EPS15L1: variants seen among roughly 807,000 people sequenced by gnomAD.
EPS15L1 encodes the protein epidermal growth factor receptor pathway substrate 15 like 1.
Under a neutral mutation model 117.1 loss-of-function variants are expected in EPS15L1, and 43 were observed. That is an observed-to-expected ratio of 0.37 (90% CI 0.29 to 0.47). EPS15L1 has a LOEUF of 0.47. Among genes scored for constraint, EPS15L1 ranks in the 20% least tolerant of loss-of-function variants. The pLI is 0.99. For synonymous variants in EPS15L1, 459 were observed against 470.5 expected (o/e 0.98, Z 0.32); for missense variants, 981 against 1,164.0 (o/e 0.84, Z 2.29).
At chr19:16,400,336 C>CAAAAAAAAAAAAAA (rs1162302779) in intron 16 of EPS15L1, among the ~76,000 whole-genome samples, 10 of 60,694 alleles carry the variant, frequency 1.6e-4, no homozygotes, top group Admixed American at 1.3e-3. Context: ...GACTCCGTCT[C>CAAAAAAAAAAAAAA]AAAAAAAAAA....
intron 1 of EPS15L1, among the ~76,000 whole-genome samples, chr19:16,456,166 C>T (rs2145153280): frequency 6.6e-6 from 1 of 152,294 alleles, no homozygotes; most frequent in Middle Eastern, 3.4e-3. Flanking sequence ...TGCCATTGCA[C>T]TCCAGCCTGG....
intron 19 of EPS15L1, among the ~76,000 whole-genome samples, 161 bp from the exon 20 acceptor site, chr19:16,386,392 G>A (rs1251141643): frequency 2.0e-5 from 3 of 152,194 alleles, no homozygotes; most frequent in African/African-American, 7.2e-5. Flanking sequence ...AATCCCAACA[G>A]ATCAACCCTC....
intron 6 of EPS15L1, chr19:16,434,876 G>C (rs1460187664): frequency 6.0e-6 from 1 of 166,388 alleles, no homozygotes; most frequent in Non-Finnish European, 1.3e-5. Context: ...AAAAGTGTGA[G>C]CAGATGTTAG....
intron 1 of EPS15L1, among the ~76,000 whole-genome samples, chr19:16,445,816 G>A (rs899001016): frequency 3.3e-5 from 5 of 152,318 alleles, no homozygotes; most frequent in South Asian, 2.1e-4. Flanking sequence ...GGCCTGCACC[G>A]TAAGAGGCTG....
intron 2 of EPS15L1, 22 bp from the exon 3 acceptor site, chr19:16,442,003 C>T: frequency 6.3e-7 from 1 of 1,599,780 alleles, no homozygotes; most frequent in African/African-American, 1.3e-5. Flanking sequence ...GACCAAGAGG[C>T]AAAATAACTT....
intron 10 of EPS15L1, among the ~76,000 whole-genome samples, chr19:16,419,714 G>A (rs950717572): frequency 3.9e-5 from 6 of 152,212 alleles, no homozygotes; most frequent in South Asian, 2.1e-4. Context: ...ACAGAGCTGC[G>A]GAGAATGAGC....
intron 19 of EPS15L1, among the ~76,000 whole-genome samples, chr19:16,388,042 A>C (rs1393030112): frequency 2.0e-5 from 3 of 152,038 alleles, no homozygotes; most frequent in Admixed American, 6.6e-5. Context: ...AAGCTTACCA[A>C]ATTTGTTTTG....
Position 16,355,670 on chromosome 19 carries a change from G to C in EPS15L1, c.*35C>G. ...CTGCACTGCCCCCTCTCTGGAACCC[G>C]CCCGTGCCCTGTCCCGCCTACACAC... On this transcript the variant is annotated 3_prime_UTR_variant, in exon 24 of 24. Transcript: ENST00000455140. The C allele has an allele frequency of 6.5e-7, 1 of 1,528,112 alleles. No homozygotes were observed. Among genetic ancestry groups the C allele is most frequent in the South Asian group, 1.2e-5 (1 of 83,520 alleles). 94.7% of individuals were successfully genotyped at this position (1,528,112 alleles called of 1,614,324 possible).
intron 1 of EPS15L1, among the ~76,000 whole-genome samples, chr19:16,452,344 G>A (rs922073955): frequency 6.6e-6 from 1 of 151,876 alleles, no homozygotes; most frequent in Non-Finnish European, 1.5e-5. Flanking sequence ...TACTCAGGAG[G>A]CTGCGGCAGG....
At chr19:16,418,224 G>C in intron 10 of EPS15L1, 120 bp from the exon 11 acceptor site, 1 of 1,082,934 alleles carries the variant, frequency 9.2e-7, no homozygotes, top group Non-Finnish European at 1.3e-6. Flanking sequence ...GGGCGTGGTG[G>C]CAAGCCCCAG....
chr19:16,367,352 A>AC (rs2092147710), intron 22 of EPS15L1, among the ~76,000 whole-genome samples: 1 of 151,962 alleles, frequency 6.6e-6, no homozygotes, highest in African/African-American at 2.4e-5. Context: ...GGCAAGGGAT[A>AC]CAAGACTGAA....
At chr19:16,397,962 T>C (rs893709790) in intron 16 of EPS15L1, among the ~76,000 whole-genome samples, 1 of 152,176 alleles carries the variant, frequency 6.6e-6, no homozygotes, top group African/African-American at 2.4e-5. Flanking sequence ...CATTCCTGCG[T>C]AGGACTCACA....
chr19:16,464,816 G>A (rs950797868), intron 1 of EPS15L1, among the ~76,000 whole-genome samples: 4 of 152,128 alleles, frequency 2.6e-5, no homozygotes, highest in South Asian at 2.1e-4. Context: ...GGGCATGGTG[G>A]CTCACGCCTG....
At chr19:16,462,123 G>A (rs1599691869) in intron 1 of EPS15L1, among the ~76,000 whole-genome samples, 2 of 152,170 alleles carry the variant, frequency 1.3e-5, no homozygotes, top group Non-Finnish European at 2.9e-5. Flanking sequence ...TTCTCCATGG[G>A]GGTCTGACCA....
At chr19:16,372,910 G>C (rs1003118937) in intron 22 of EPS15L1, among the ~76,000 whole-genome samples, 1 of 152,222 alleles carries the variant, frequency 6.6e-6, no homozygotes, top group South Asian at 2.1e-4. Flanking sequence ...CTGCCCAGAG[G>C]ACAGAAGGAA....
Position 16,441,911 on chromosome 19 carries a change from G to C in EPS15L1, c.146C>G (p.Ser49Trp). The change falls in exon 3 of 24, where the codon TCG (serine) becomes TGG (tryptophan). Residue 49 changes from serine (S) to tryptophan (W), a missense_variant. Ser to Trp is a radical substitution (Grantham distance 177). This residue lies in a region of EPS15L1 where 62 missense variants were observed against 104.2 expected (regional missense o/e 0.59). Transcript: ENST00000455140. ...AALFLKKSGLSDIILGKIWDL... is the reference protein window; with the variant it reads ...AALFLKKSGLWDIILGKIWDL... ...ACATACCTTCCCAAGGATAATGTCC[G>C]AGAGGCCAGACTTCTTTAGAAAAAG... is the stretch of plus-strand genomic sequence containing the variant. 1 of 1,613,680 alleles carries C rather than the reference G, an allele frequency of 6.2e-7. No homozygotes were observed. The highest frequency in any genetic ancestry group is 1.1e-5 in the South Asian group (1 of 91,032).
At chr19:16,469,690 G>T (rs1252605441) in intron 1 of EPS15L1, among the ~76,000 whole-genome samples, 1 of 152,088 alleles carries the variant, frequency 6.6e-6, no homozygotes, top group Non-Finnish European at 1.5e-5. Flanking sequence ...CAGGAGTGGG[G>T]GTGGAGAAAA....
At chr19:16,398,900 A>ATCC (rs1323872977) in intron 16 of EPS15L1, among the ~76,000 whole-genome samples, 2 of 152,170 alleles carry the variant, frequency 1.3e-5, no homozygotes, top group Admixed American at 1.3e-4. Context: ...GGGCTCAAGG[A>ATCC]TCCTCCTGCT....
At chr19:16,388,282 C>T (rs181760699) in intron 19 of EPS15L1, among the ~76,000 whole-genome samples, 2 of 152,206 alleles carry the variant, frequency 1.3e-5, no homozygotes, top group East Asian at 1.9e-4. Context: ...TCAAGTGATC[C>T]GCCCACCTCA....
Sources: gnomAD v4.1 joint callset for allele counts (sites outside exome capture counted in the v4.1 genomes callset) on GRCh38, gnomAD v4.1.1 for gene constraint, gnomAD v4.1.1 regional missense constraint, MANE v1.5 for transcripts, NCBI Gene and HGNC (gene_info 2026-07-23, HGNC 2026-07-21) for gene names.